CYTH3: variants seen among roughly 807,000 people sequenced by gnomAD.
The protein encoded by CYTH3 is cytohesin 3.
A neutral mutation model predicts 55.1 loss-of-function variants in CYTH3; 23 were observed. The ratio of observed to expected loss-of-function variants is 0.42; its 90% CI spans 0.30 to 0.59. CYTH3 has a LOEUF of 0.59. CYTH3 is among the 20% of genes least tolerant of loss of function. The probability of loss-of-function intolerance (pLI) is 0.20; values close to 1 mark genes in which losing one functional copy is unlikely to be tolerated. For missense variants in CYTH3, 413 were observed against 524.8 expected (o/e 0.79, Z 2.08); for synonymous variants, 249 against 194.9 (o/e 1.28, Z -2.31).
chr7:6,231,462 C>T (rs942148507), intron 1 of CYTH3, among the ~76,000 whole-genome samples: 1 of 152,122 alleles, frequency 6.6e-6, no homozygotes, highest in East Asian at 1.9e-4. Flanking sequence ...GTGGTGAGGC[C>T]GGGGTGTCTC....
chr7:6,173,241 C>T (rs1374626983), intron 6 of CYTH3, among the ~76,000 whole-genome samples: 2 of 152,136 alleles, frequency 1.3e-5, no homozygotes, highest in South Asian at 2.1e-4. Context: ...ACCAAAATGG[C>T]GAGACACCTA....
At chr7:6,272,018 G>A (rs564945475) in intron 1 of CYTH3, among the ~76,000 whole-genome samples, 1 of 152,164 alleles carries the variant, frequency 6.6e-6, no homozygotes, top group Non-Finnish European at 1.5e-5. Flanking sequence ...GGAGCCTCCA[G>A]TGCAAAACTT....
intron 1 of CYTH3, among the ~76,000 whole-genome samples, chr7:6,217,580 G>C (rs532263087): frequency 6.6e-6 from 1 of 152,280 alleles, no homozygotes; most frequent in South Asian, 2.1e-4. Context: ...ACAGAGCTGA[G>C]AGATATCAAC....
intron 1 of CYTH3, among the ~76,000 whole-genome samples, chr7:6,238,138 C>T (rs758072987): frequency 6.6e-6 from 1 of 152,168 alleles, no homozygotes. Flanking sequence ...AAAATGACCA[C>T]AGAACTTACT....
At chr7:6,172,102 G>A (rs543509881) in intron 6 of CYTH3, 2 of 152,618 alleles carry the variant, frequency 1.3e-5, no homozygotes, top group Admixed American at 6.5e-5. Flanking sequence ...ATGCTGCCGT[G>A]GATTTAGCAC....
intron 4 of CYTH3, 53 bp downstream of exon 4, chr7:6,186,997 C>T: frequency 6.4e-7 from 1 of 1,572,354 alleles, no homozygotes; most frequent in Non-Finnish European, 8.8e-7. Flanking sequence ...AACGGCAGTT[C>T]AAATCAATTA....
chr7:6,266,264 G>A (rs1447860490), intron 1 of CYTH3, among the ~76,000 whole-genome samples: 4 of 152,090 alleles, frequency 2.6e-5, no homozygotes, highest in African/African-American at 9.7e-5. Context: ...TGGAAGGCTT[G>A]GGTTCCAATC....
At chr7:6,251,528 G>C (rs1009664412) in intron 1 of CYTH3, among the ~76,000 whole-genome samples, 3 of 152,062 alleles carry the variant, frequency 2.0e-5, no homozygotes, top group African/African-American at 7.2e-5. Context: ...TGGCGGCGCA[G>C]ACAGAGCAGC....
At chr7:6,208,742 T>G (rs112449167) in intron 1 of CYTH3, among the ~76,000 whole-genome samples, 5 of 152,156 alleles carry the variant, frequency 3.3e-5, no homozygotes, top group Non-Finnish European at 4.4e-5. Context: ...GGTCTTGCTA[T>G]GCTGCCCAGG....
intron 5 of CYTH3, among the ~76,000 whole-genome samples, chr7:6,175,726 T>C (rs1783335302): frequency 6.6e-6 from 1 of 152,030 alleles, no homozygotes. Context: ...TTTTCTATTT[T>C]TGTAGACATG....
intron 1 of CYTH3, among the ~76,000 whole-genome samples, chr7:6,226,316 T>G (rs1041375247): frequency 2.0e-5 from 3 of 152,210 alleles, no homozygotes; most frequent in African/African-American, 7.2e-5. Flanking sequence ...CTGGGAAGCC[T>G]GAACCACATC....
intron 1 of CYTH3, among the ~76,000 whole-genome samples, chr7:6,190,894 C>T (rs769569135): frequency 8.0e-5 from 12 of 150,598 alleles, no homozygotes; most frequent in East Asian, 2.0e-4. Flanking sequence ...CTGGCCAACA[C>T]GGTGAAACCC....
At chr7:6,189,534 C>T (rs2128543845) in intron 2 of CYTH3, among the ~76,000 whole-genome samples, 1 of 152,028 alleles carries the variant, frequency 6.6e-6, no homozygotes, top group East Asian at 2.0e-4. Flanking sequence ...GTCTTGAACT[C>T]CTGGGCTCAA....
intron 2 of CYTH3, 103 bp downstream of exon 2, chr7:6,190,346 G>GT (rs544153947): frequency 0.086 from 53,082 of 617,278 alleles, 1 homozygote; most frequent in Middle Eastern, 0.11. Context: ...TTGTTTTTGG[G>GT]TTTTTTTTTT....
intron 1 of CYTH3, among the ~76,000 whole-genome samples, chr7:6,269,262 T>C (rs1371334742): frequency 3.3e-5 from 5 of 152,348 alleles, no homozygotes; most frequent in East Asian, 1.9e-4. Context: ...CCGTAAATGT[T>C]TGAAACGACC....
intron 1 of CYTH3, among the ~76,000 whole-genome samples, chr7:6,267,511 T>C (rs1780529862): frequency 6.6e-6 from 1 of 152,224 alleles, no homozygotes; most frequent in Non-Finnish European, 1.5e-5. Flanking sequence ...ACATTATCTT[T>C]TTGTTGCGGT....
At chr7:6,191,714 G>A (rs1783808434) in intron 1 of CYTH3, among the ~76,000 whole-genome samples, 1 of 151,372 alleles carries the variant, frequency 6.6e-6, no homozygotes, top group Non-Finnish European at 1.5e-5. Context: ...AGCCAGGGAA[G>A]GACTTCTTAA....
At position 6,170,717 on chromosome 7, in the gene CYTH3, C is replaced by T; in HGVS notation, c.712-71G>A. The T allele has an allele frequency of 1.3e-6, 2 of 1,573,676 alleles. No individual in the cohort carries two copies. Among genetic ancestry groups the T allele is most frequent in the Non-Finnish European group, 1.7e-6 (2 of 1,157,690 alleles). On this transcript the variant is annotated intron_variant, in intron 8 of 12. Coordinates refer to ENST00000350796, the MANE Select transcript of CYTH3 (RefSeq NM_004227.4). This position sits in a 1 kb window ranked among gnomAD's most constrained non-coding sequence, Gnocchi z 7.8. ...ATGGCTGGCCGGGCAGAAAGCTCAG[C>T]GGGACCAGGGCGGCAAGGAGGCTTG...
chr7:6,188,961 C>G (rs1783728582), intron 2 of CYTH3: 2 of 152,292 alleles, frequency 1.3e-5, no homozygotes, highest in South Asian at 4.2e-4. Context: ...TATTATATGC[C>G]AAGACACTCG....
Sources: allele counts gnomAD v4.1 joint callset (sites outside exome capture counted in the v4.1 genomes callset), GRCh38; gene constraint gnomAD v4.1.1; non-coding constraint Gnocchi (gnomAD v3.1); transcripts MANE v1.5; gene names NCBI Gene and HGNC (gene_info 2026-07-23, HGNC 2026-07-21).